OR13A1: variants seen among roughly 807,000 people sequenced by gnomAD.
OR13A1 encodes olfactory receptor family 13 subfamily A member 1.
In OR13A1, 10 loss-of-function variants were observed where a neutral mutation model predicts 7.5. The ratio of observed to expected loss-of-function variants is 1.34; its 90% CI spans 0.83 to 2.27. The LOEUF is 2.27. Among genes scored for constraint, OR13A1 ranks in the 30% most tolerant of loss-of-function variants. The pLI, the probability that OR13A1 is intolerant of heterozygous loss-of-function variation, is 0.00. For synonymous variants in OR13A1, 238 were observed against 177.9 expected, an observed-to-expected ratio of 1.34 and a Z score of -2.69; for missense variants, 509 against 419.1, an observed-to-expected ratio of 1.21 and a Z score of -1.87.
rs192651131 is a variant in OR13A1, at chr10:45,315,608, T to C, written c.-309A>G. On this transcript the variant is annotated 5_prime_UTR_variant, in exon 1 of 4. Coordinates refer to ENST00000553795, the MANE Select transcript of OR13A1 (RefSeq NM_001004297.3). ...GTCTCTTCGCTTCTATTCAATATAG[T>C]ATTTGAATTTCCAAGCAGACCAATT... is the stretch of plus-strand genomic sequence containing the variant. The C allele has an allele frequency of 6.6e-6, 1 of 152,144 alleles. No individual in the cohort carries two copies. The allele number at this position is 152,144 out of a possible 1,614,324, so 9.4% of individuals were successfully genotyped here. A position where few individuals can be genotyped will look rare whatever the true frequency, so the allele number is the denominator to read the frequency against.
At chr10:45,313,684 A>G (rs1314557034) in intron 1 of OR13A1, among the ~76,000 whole-genome samples, 1 of 152,190 alleles carries the variant, frequency 6.6e-6, no homozygotes, top group Non-Finnish European at 1.5e-5. Context: ...AATGGATATT[A>G]TATAACAAAA....
At chr10:45,304,496 C>A (rs1838288716) in intron 3 of OR13A1, 62 bp from the exon 4 acceptor site, 4 of 1,362,900 alleles carry the variant, frequency 2.9e-6, no homozygotes, top group Non-Finnish European at 4.1e-6. Flanking sequence ...CCACACCTCA[C>A]ATCACTGCAT....
At chr10:45,310,866 A>G (rs1838431057) in intron 1 of OR13A1, among the ~76,000 whole-genome samples, 1 of 152,200 alleles carries the variant, frequency 6.6e-6, no homozygotes, top group Non-Finnish European at 1.5e-5. Flanking sequence ...AAAATCAAGG[A>G]CATGAATTAA....
At chr10:45,304,708 C>T (rs988101572) in intron 3 of OR13A1, among the ~76,000 whole-genome samples, 2 of 152,138 alleles carry the variant, frequency 1.3e-5, no homozygotes, top group Admixed American at 6.5e-5. Flanking sequence ...GTTAGAAAAG[C>T]ATGATATTAA....
chr10:45,303,341 A>G lies in OR13A1; in HGVS notation c.*95T>C. The G allele has an allele frequency of 7.4e-7, 1 of 1,343,258 alleles. No homozygotes were observed. 83.2% of individuals were successfully genotyped at this position (1,343,258 alleles called of 1,614,324 possible). On this transcript the variant is annotated 3_prime_UTR_variant, in exon 4 of 4. Coordinates refer to ENST00000553795, the MANE Select transcript of OR13A1 (RefSeq NM_001004297.3). The stretch of plus-strand genomic sequence containing the variant: ...CATGCACAGGTTCTGCTGGGTTAGA[A>G]AAAACAAGTCTATTTACCTCCCAGT...
intron 3 of OR13A1, among the ~76,000 whole-genome samples, chr10:45,304,815 T>C (rs925692164): frequency 1.3e-5 from 2 of 152,194 alleles, no homozygotes; most frequent in African/African-American, 4.8e-5. Context: ...TAAGGAATAA[T>C]AAAAAGCATC....
intron 1 of OR13A1, 82 bp from the exon 2 acceptor site, chr10:45,307,890 TA>T (rs1374669246): frequency 6.6e-6 from 1 of 152,214 alleles, no homozygotes; most frequent in Non-Finnish European, 1.5e-5. Context: ...TCTCTGAAAT[TA>T]AAAAGGTAAT....
rs1344082106 is a variant in OR13A1, at chr10:45,303,516, G to A, written c.907C>T (p.Leu303Phe). 3.1e-6 allele frequency: 5 copies of A among 1,613,976 alleles called. No homozygotes were observed. The East Asian group carries it at 1.1e-4, about 36-fold the overall frequency. ...CTCAAAGTATAGATGAGGGGGTTGAGGGTAGGACTCAGCACAGTGTACAGC... is the reference window on the plus strand; with the variant it reads ...CTCAAAGTATAGATGAGGGGGTTGAAGGTAGGACTCAGCACAGTGTACAGC... The part of the protein sequence containing the change: ...GLLYTVLSPT[L>F]NPLIYTLRNK... The change falls in exon 4 of 4, where the codon CTC (leucine) becomes TTC (phenylalanine). Residue 303 changes from leucine to phenylalanine, a missense_variant. Transcript: ENST00000553795.
chr10:45,310,777 C>T (rs1317135814), intron 1 of OR13A1, among the ~76,000 whole-genome samples: 1 of 151,874 alleles, frequency 6.6e-6, no homozygotes, highest in Non-Finnish European at 1.5e-5. Context: ...TATATACTTA[C>T]ACAAGAAAGA....
Position 45,303,391 on chromosome 10 carries a change from A to G in OR13A1, c.*45T>C. On this transcript the variant is annotated 3_prime_UTR_variant, in exon 4 of 4. Transcript: ENST00000553795. Reference sequence around the variant, plus strand: ...TCCAGAAACTTGCTCATCAGACTCCACTAAAACTGCAGTCTCCAAGGACAA... The same window carrying G: ...TCCAGAAACTTGCTCATCAGACTCCGCTAAAACTGCAGTCTCCAAGGACAA... 2 of 1,539,444 alleles carry G rather than the reference A, an allele frequency of 1.3e-6. No individual in the cohort carries two copies. The highest frequency in any genetic ancestry group is 2.3e-5 in the East Asian group (1 of 44,222).
intron 1 of OR13A1, among the ~76,000 whole-genome samples, chr10:45,313,769 C>T (rs1470851844): frequency 3.3e-5 from 5 of 151,990 alleles, no homozygotes; most frequent in Non-Finnish European, 7.4e-5. Context: ...ATATCTGAAG[C>T]AAACATTGAC....
chr10:45,305,533 T>A (rs959668970), intron 3 of OR13A1, among the ~76,000 whole-genome samples: 1 of 152,222 alleles, frequency 6.6e-6, no homozygotes, highest in Non-Finnish European at 1.5e-5. Context: ...AAAAGGCAGA[T>A]GTATCACACA....
intron 1 of OR13A1, among the ~76,000 whole-genome samples, chr10:45,313,281 G>A (rs1010983913): frequency 3.3e-5 from 5 of 150,846 alleles, no homozygotes; most frequent in Non-Finnish European, 5.9e-5. Flanking sequence ...AAAATCTATA[G>A]AATACACACA....
chr10:45,306,914 G>T (rs1838341890), intron 3 of OR13A1, among the ~76,000 whole-genome samples: 1 of 152,232 alleles, frequency 6.6e-6, no homozygotes, highest in Admixed American at 6.5e-5. Flanking sequence ...CTTTCGCTGA[G>T]TTTGAGTTGT....
chr10:45,310,557 A>C (rs1838424639), intron 1 of OR13A1, among the ~76,000 whole-genome samples: 3 of 152,238 alleles, frequency 2.0e-5, no homozygotes, highest in Admixed American at 2.0e-4. Context: ...TGCTTCACCT[A>C]GCTGCCAGGG....
In OR13A1 at chr10:45,303,673, C is replaced by T. The variant is rs138345815; in HGVS notation, c.750G>A (p.Trp250Ter). 1 of 1,614,064 alleles carries T rather than the reference C, an allele frequency of 6.2e-7. No homozygotes were observed. The highest frequency in any genetic ancestry group is 1.3e-5 in the African/African-American group (1 of 74,920). The change falls in exon 4 of 4, where the codon TGG (tryptophan) becomes TGA (stop). Residue 250 changes from tryptophan (W) to a stop codon, truncating the protein, a stop_gained. Coordinates refer to ENST00000553795, the MANE Select transcript of OR13A1 (RefSeq NM_001004297.3). LOFTEE classifies it low-confidence loss of function (END_TRUNC). ...AGGTGGAGAAGGCTTTCTGCCTCCC[C>T]CAGGCAGTCTTCACCTTCAGGATGC... is the stretch of plus-strand genomic sequence containing the variant. ...VSSILKVKTA[W>*]GRQKAFSTCS...
chr10:45,310,412 C>T (rs1838421164), intron 1 of OR13A1, among the ~76,000 whole-genome samples: 1 of 152,098 alleles, frequency 6.6e-6, no homozygotes, highest in South Asian at 2.1e-4. Context: ...ATAAAAGTTG[C>T]CATAACCTCT....
intron 1 of OR13A1, among the ~76,000 whole-genome samples, chr10:45,310,614 A>C (rs2133045128): frequency 7.7e-6 from 1 of 129,148 alleles, no homozygotes; most frequent in Non-Finnish European, 1.6e-5. Flanking sequence ...TACAGGAAAA[A>C]GGGAGAATGG....
intron 1 of OR13A1, among the ~76,000 whole-genome samples, chr10:45,312,737 A>G (rs1437748670): frequency 6.6e-6 from 1 of 152,126 alleles, no homozygotes; most frequent in Admixed American, 6.5e-5. Flanking sequence ...ATCAACAGAA[A>G]CCTTGCAGGC....
Sources: gnomAD v4.1 joint callset for allele counts (sites outside exome capture counted in the v4.1 genomes callset) on GRCh38, gnomAD v4.1.1 for gene constraint, MANE v1.5 for transcripts, NCBI Gene and HGNC (gene_info 2026-07-23, HGNC 2026-07-21) for gene names.